NFILZ: variants seen among roughly 807,000 people sequenced by gnomAD.
NFILZ encodes NFIL3 like basic leucine zipper, also known as NFIL3 like protein.
chr19:8,658,868 T>G (rs568909990), intron 3 of NFILZ, among the ~76,000 whole-genome samples: 70 of 152,256 alleles, frequency 4.6e-4, no homozygotes, highest in African/African-American at 1.7e-3. Context: ...GAGGATCGTT[T>G]GAGCCCAGGA....
At chr19:8,665,668 A>G (rs1036137726) in intron 3 of NFILZ, among the ~76,000 whole-genome samples, 3 of 152,188 alleles carry the variant, frequency 2.0e-5, no homozygotes, top group Non-Finnish European at 2.9e-5. Context: ...TTGCTTTGCC[A>G]GGAAGCAAGG....
At position 8,678,332 on chromosome 19, in the gene NFILZ, A is replaced by G. The variant is rs1383950129; in HGVS notation, c.*697A>G. On this transcript the variant is annotated 3_prime_UTR_variant, in exon 6 of 6. Coordinates refer to ENST00000691075, the MANE Select transcript of NFILZ (RefSeq NM_001378600.1). Reference sequence around the variant, plus strand: ...CTTCCTTCTTTCTATCTAGCCATCCATTCTCATTCATCCATGCATTTGTTT... The same window carrying G: ...CTTCCTTCTTTCTATCTAGCCATCCGTTCTCATTCATCCATGCATTTGTTT... Among the ~76,000 whole-genome samples the G allele has an allele frequency of 1.3e-5, 2 of 150,546 alleles. No homozygotes were observed. The highest frequency in any genetic ancestry group is 1.3e-4 in the Admixed American group (2 of 15,080).
chr19:8,632,025 C>T (rs1299996811), intron 1 of NFILZ, among the ~76,000 whole-genome samples: 1 of 152,074 alleles, frequency 6.6e-6, no homozygotes, highest in African/African-American at 2.4e-5. Flanking sequence ...CCTGCCGCCA[C>T]ACTCGGCTAA....
intron 3 of NFILZ, among the ~76,000 whole-genome samples, chr19:8,655,549 T>C (rs906123854): frequency 6.6e-6 from 1 of 152,088 alleles, no homozygotes; most frequent in African/African-American, 2.4e-5. Context: ...GAAGCGCCGG[T>C]GACTACCTCC....
At chr19:8,664,657 C>T (rs529914405) in intron 3 of NFILZ, among the ~76,000 whole-genome samples, 6 of 152,184 alleles carry the variant, frequency 3.9e-5, no homozygotes, top group Admixed American at 3.3e-4. Flanking sequence ...TTCCCTGAAC[C>T]CCGTGGAAAT....
chr19:8,654,003 T>A (rs2042980790), intron 3 of NFILZ, among the ~76,000 whole-genome samples: 1 of 151,786 alleles, frequency 6.6e-6, no homozygotes, highest in African/African-American at 2.4e-5. Context: ...CCAAGGCAGG[T>A]GGATCACCTG....
chr19:8,645,113 CTGTA>C (rs1258660166), intron 3 of NFILZ, among the ~76,000 whole-genome samples: 2 of 149,202 alleles, frequency 1.3e-5, no homozygotes, highest in Admixed American at 6.7e-5. Context: ...AATTATCTCA[CTGTA>C]TGAGATACAA....
chr19:8,646,121 C>T (rs1317940848), intron 3 of NFILZ, among the ~76,000 whole-genome samples: 1 of 152,032 alleles, frequency 6.6e-6, no homozygotes, highest in Admixed American at 6.6e-5. Context: ...ACTACAACCT[C>T]TGCCTCCTGG....
chr19:8,637,114 A>C (rs2042898192), intron 3 of NFILZ, among the ~76,000 whole-genome samples: 1 of 152,154 alleles, frequency 6.6e-6, no homozygotes, highest in African/African-American at 2.4e-5. Flanking sequence ...TCATACCTGT[A>C]GTCCCAGTAC....
At chr19:8,650,993 A>T (rs1006201290) in intron 3 of NFILZ, among the ~76,000 whole-genome samples, 1 of 152,104 alleles carries the variant, frequency 6.6e-6, no homozygotes, top group African/African-American at 2.4e-5. Flanking sequence ...ATTTTTAGTT[A>T]TTGTGGAACC....
intron 3 of NFILZ, among the ~76,000 whole-genome samples, chr19:8,662,576 T>C (rs1331629704): frequency 6.6e-5 from 10 of 151,102 alleles, no homozygotes; most frequent in Non-Finnish European, 1.2e-4. Context: ...TCCAGTTACG[T>C]GAGGAGAAGA....
intron 3 of NFILZ, among the ~76,000 whole-genome samples, chr19:8,653,034 TTCTTTCTC>T (rs1256124021): frequency 1.6e-4 from 9 of 57,508 alleles, no homozygotes; most frequent in African/African-American, 5.1e-4. Context: ...CTTTCTTTCT[TTCTTTCTC>T]TCTCTCTCTC....
chr19:8,638,968 G>A (rs933193929), intron 3 of NFILZ, among the ~76,000 whole-genome samples: 2 of 150,888 alleles, frequency 1.3e-5, no homozygotes, highest in East Asian at 2.0e-4. Flanking sequence ...CTCAGCCTCC[G>A]AGTAGCTGGG....
At chr19:8,675,490 C>T (rs2043106509) in intron 4 of NFILZ, among the ~76,000 whole-genome samples, 1 of 152,178 alleles carries the variant, frequency 6.6e-6, no homozygotes, top group Non-Finnish European at 1.5e-5. Flanking sequence ...AATCTAATAA[C>T]TTTGATTTTT....
intron 3 of NFILZ, among the ~76,000 whole-genome samples, chr19:8,661,758 G>A (rs28772909): frequency 0.072 from 10,912 of 152,168 alleles, 511 homozygotes; most frequent in African/African-American, 0.13. Flanking sequence ...CAGGCATGGT[G>A]GCGTGCGTCT....
At chr19:8,632,993 G>T (rs2042877185) in intron 2 of NFILZ, among the ~76,000 whole-genome samples, 1 of 144,184 alleles carries the variant, frequency 6.9e-6, no homozygotes, top group South Asian at 2.2e-4. Flanking sequence ...AAAGTGCTGG[G>T]ATTACAGGCA....
intron 3 of NFILZ, among the ~76,000 whole-genome samples, chr19:8,643,620 G>C (rs1375508896): frequency 2.6e-5 from 4 of 152,170 alleles, no homozygotes; most frequent in African/African-American, 9.7e-5. Flanking sequence ...GTGTCAAACT[G>C]TGGAATAGGG....
chr19:8,640,010 T>C (rs1328009465), intron 3 of NFILZ, among the ~76,000 whole-genome samples: 2 of 152,158 alleles, frequency 1.3e-5, no homozygotes, highest in Non-Finnish European at 2.9e-5. Flanking sequence ...CTGGGGTCAA[T>C]AGAGCCTCAG....
At chr19:8,650,346 A>G (rs2918316) in intron 3 of NFILZ, among the ~76,000 whole-genome samples, 36,999 of 151,886 alleles carry the variant, frequency 0.24, 4,941 homozygotes, top group Middle Eastern at 0.37. Flanking sequence ...TTAGCCCTAC[A>G]TGGATGGGTA....
Sources: allele counts gnomAD v4.1 joint callset (sites outside exome capture counted in the v4.1 genomes callset), GRCh38; gene constraint gnomAD v4.1.1; transcripts MANE v1.5; gene names NCBI Gene and HGNC (gene_info 2026-07-23, HGNC 2026-07-21).